FNIP2: variants seen among roughly 807,000 people sequenced by gnomAD.
The protein encoded by FNIP2 is folliculin interacting protein 2.
In FNIP2, 32 loss-of-function variants were observed where a neutral mutation model predicts 108.7. The ratio of observed to expected loss-of-function variants is 0.29; its 90% confidence interval spans 0.22 to 0.40. The LOEUF (loss-of-function observed/expected upper bound fraction) is 0.40. FNIP2 is among the 10% of genes least tolerant of loss of function. The pLI, the probability that FNIP2 is intolerant of heterozygous loss-of-function variation, is 1.00. For synonymous variants in FNIP2, 480 were observed against 496.7 expected, an observed-to-expected ratio of 0.97 and a Z score of 0.45; for missense variants, 1,202 against 1,381.6, an observed-to-expected ratio of 0.87 and a Z score of 2.06.
At chr4:158,830,455 G>T (rs929022182) in intron 3 of FNIP2, among the ~76,000 whole-genome samples, 1 of 151,710 alleles carries the variant, frequency 6.6e-6, no homozygotes, top group Admixed American at 6.6e-5. Flanking sequence ...GTAGAGACGG[G>T]GTTTCACCTT....
At chr4:158,829,340 A>G in intron 3 of FNIP2, 115 bp downstream of exon 3, 3 of 900,592 alleles carry the variant, frequency 3.3e-6, no homozygotes, top group Non-Finnish European at 4.9e-6. Flanking sequence ...GAGGACAAGT[A>G]TTCAACAGAG....
intron 1 of FNIP2, among the ~76,000 whole-genome samples, chr4:158,809,320 G>T (rs1271322017): frequency 6.6e-6 from 1 of 152,140 alleles, no homozygotes; most frequent in Admixed American, 6.5e-5. Context: ...TTAGCTAGAT[G>T]TGGTAGCAGG....
At chr4:158,816,307 T>A (rs1777565207) in intron 1 of FNIP2, among the ~76,000 whole-genome samples, 1 of 151,756 alleles carries the variant, frequency 6.6e-6, no homozygotes, top group African/African-American at 2.4e-5. Flanking sequence ...GTCTTGGGTA[T>A]TTACTTTGAA....
chr4:158,883,232 GTGTGTTTTT>G (rs1424800127), intron 14 of FNIP2, among the ~76,000 whole-genome samples: 1 of 144,880 alleles, frequency 6.9e-6, no homozygotes, highest in East Asian at 1.9e-4. Flanking sequence ...TTGTGTGTGT[GTGTGTTTTT>G]TGTTTTTTTT....
At chr4:158,837,516 G>A (rs1778876339) in intron 7 of FNIP2, among the ~76,000 whole-genome samples, 1 of 152,122 alleles carries the variant, frequency 6.6e-6, no homozygotes, top group Non-Finnish European at 1.5e-5. Context: ...TCATATAAAT[G>A]GTTCATGTTG....
chr4:158,826,056 A>T lies in FNIP2; in HGVS notation c.234+14A>T. 6.2e-7 allele frequency: 1 copy of T among 1,601,704 alleles called. No individual in the cohort carries two copies. The highest frequency in any genetic ancestry group is 8.5e-7 in the Non-Finnish European group (1 of 1,170,938). On this transcript the variant is annotated intron_variant, in intron 2 of 16. Coordinates refer to ENST00000264433, the MANE Select transcript of FNIP2 (RefSeq NM_020840.3). Reference sequence around the variant, plus strand: ...GTGACAGCTCAGGTATGAAATGCTGATTTGCTTTCTCCTTTTCTTTTGTGC... The same window carrying T: ...GTGACAGCTCAGGTATGAAATGCTGTTTTGCTTTCTCCTTTTCTTTTGTGC...
intron 15 of FNIP2, 26 bp downstream of exon 15, chr4:158,891,672 A>C: frequency 6.4e-7 from 1 of 1,566,644 alleles, no homozygotes; most frequent in African/African-American, 1.4e-5. Flanking sequence ...TATATCACCA[A>C]AGAAATCTAG....
At chr4:158,877,534 A>G (rs982171966) in intron 14 of FNIP2, among the ~76,000 whole-genome samples, 7 of 152,252 alleles carry the variant, frequency 4.6e-5, no homozygotes, top group Admixed American at 2.0e-4. Context: ...TTTTAGAGTT[A>G]TGATAAGGCC....
intron 1 of FNIP2, among the ~76,000 whole-genome samples, chr4:158,786,234 T>A (rs936317236): frequency 3.3e-5 from 5 of 152,260 alleles, no homozygotes; most frequent in Admixed American, 3.3e-4. Context: ...CCACTCTGTT[T>A]ATATTTCTCC....
intron 14 of FNIP2, among the ~76,000 whole-genome samples, chr4:158,873,847 C>T (rs966948523): frequency 6.6e-6 from 1 of 152,196 alleles, no homozygotes; most frequent in African/African-American, 2.4e-5. Flanking sequence ...CTTGCCACAT[C>T]TTGTGCATTC....
chr4:158,831,149 T>C (rs1778460800), intron 3 of FNIP2, among the ~76,000 whole-genome samples: 1 of 152,006 alleles, frequency 6.6e-6, no homozygotes, highest in Non-Finnish European at 1.5e-5. Context: ...TAAAGCAAAC[T>C]GGAAAGGGTC....
At position 158,868,191 on chromosome 4, in the gene FNIP2, T is replaced by G; in HGVS notation, c.1555T>G (p.Tyr519Asp). The change falls in exon 13 of 17, where the codon TAT (tyrosine) becomes GAT (aspartate). Residue 519 changes from tyrosine (Y) to aspartate (D), a missense_variant. Around this residue, in one of 5 missense-constraint regions of FNIP2, gnomAD observed 878 missense variants for 990.3 expected, o/e 0.89. Coordinates refer to ENST00000264433, the MANE Select transcript of FNIP2 (RefSeq NM_020840.3). This position sits in a 1 kb window ranked among gnomAD's most constrained non-coding sequence, Gnocchi z 4.6. ...GAAGGACTTAGTCCAGCGAATACTTTATGTCCTGACCTACTTTCTCCGTTG... is the reference window on the plus strand; with the variant it reads ...GAAGGACTTAGTCCAGCGAATACTTGATGTCCTGACCTACTTTCTCCGTTG... ...KQKDLVQRILYVLTYFLRCSE... is the reference protein window; with the variant it reads ...KQKDLVQRILDVLTYFLRCSE... 6.2e-7 allele frequency: 1 copy of G among 1,614,018 alleles called. No individual in the cohort carries two copies. The highest frequency in any genetic ancestry group is 8.5e-7 in the Non-Finnish European group (1 of 1,179,880).
chr4:158,819,651 C>G (rs1348571260), intron 1 of FNIP2, among the ~76,000 whole-genome samples: 1 of 152,224 alleles, frequency 6.6e-6, no homozygotes, highest in Non-Finnish European at 1.5e-5. Context: ...AAATCTGTTA[C>G]TGCCATCTAT....
At chr4:158,888,040 G>A (rs905960944) in intron 14 of FNIP2, among the ~76,000 whole-genome samples, 4 of 152,190 alleles carry the variant, frequency 2.6e-5, no homozygotes, top group East Asian at 1.9e-4. Flanking sequence ...CAGTGGCCCC[G>A]GTGGCCCTTG....
chr4:158,886,927 C>G (rs912393881), intron 14 of FNIP2, among the ~76,000 whole-genome samples: 1 of 152,148 alleles, frequency 6.6e-6, no homozygotes, highest in African/African-American at 2.4e-5. Flanking sequence ...TAACAAAACC[C>G]TTTGGGAAAA....
intron 6 of FNIP2, chr4:158,833,847 A>T: frequency 6.7e-7 from 1 of 1,494,768 alleles, no homozygotes; most frequent in Non-Finnish European, 8.9e-7. Flanking sequence ...GGGTAGCTGA[A>T]GGAGGACCTC....
chr4:158,892,424 T>G (rs572493438), intron 15 of FNIP2, among the ~76,000 whole-genome samples: 1 of 152,314 alleles, frequency 6.6e-6, no homozygotes, highest in African/African-American at 2.4e-5. Context: ...AACAATACTT[T>G]AAATACAAAC....
At chr4:158,773,510 GT>G (rs770290885) in intron 1 of FNIP2, among the ~76,000 whole-genome samples, 11 of 152,240 alleles carry the variant, frequency 7.2e-5, no homozygotes, top group Admixed American at 2.0e-4. Context: ...ATGTAACAAA[GT>G]TGTGGTAAGG....
At chr4:158,848,518 C>T (rs904846388) in intron 7 of FNIP2, among the ~76,000 whole-genome samples, 3 of 152,164 alleles carry the variant, frequency 2.0e-5, no homozygotes, top group Non-Finnish European at 2.9e-5. Flanking sequence ...CAGACAAGCC[C>T]AGATTGTGAA....
Sources: allele counts gnomAD v4.1 joint callset (sites outside exome capture counted in the v4.1 genomes callset), GRCh38; gene constraint gnomAD v4.1.1; regional missense constraint gnomAD v4.1.1; non-coding constraint Gnocchi (gnomAD v3.1); transcripts MANE v1.5; gene names NCBI Gene and HGNC (gene_info 2026-07-23, HGNC 2026-07-21).